The following USP5 variants were observed in gnomAD, a reference collection of about 807,000 sequenced individuals.
The protein encoded by USP5 is ubiquitin specific peptidase 5.
Under a neutral mutation model 102.5 loss-of-function variants are expected in USP5, and 24 were observed. The ratio of observed to expected loss-of-function variants is 0.23; its 90% CI spans 0.17 to 0.33. The LOEUF is 0.33. Among genes scored for constraint, USP5 ranks in the 10% least tolerant of loss-of-function variants. USP5 has a pLI of 1.00. For missense variants in USP5, 753 were observed against 1,122.1 expected (o/e 0.67, Z 4.70); for synonymous variants, 460 against 434.8 (o/e 1.06, Z -0.72).
chr12:6,856,641 T>C lies in USP5; in HGVS notation c.585-66T>C, dbSNP rs66621175. The C allele has an allele frequency of 0.34, 525,362 of 1,567,278 alleles. 97,893 individuals carry two copies. Among genetic ancestry groups the C allele is most frequent in the African/African-American group, 0.78 (57,912 of 74,324 alleles). On this transcript the variant is annotated intron_variant, in intron 5 of 19. Transcript: ENST00000229268. The surrounding 1 kb of genome is among the most constrained non-coding windows in gnomAD (Gnocchi z 5.6). ...GATTGGCGGGGGGCCTGCAGAGCCC[T>C]CTCTCTCTGCCACTCCCTCAAATCC...
chr12:6,855,554 G>C lies in USP5; in HGVS notation c.237+28G>C, dbSNP rs1944084430. The C allele has an allele frequency of 6.2e-7, 1 of 1,612,952 alleles. No individual in the cohort carries two copies. The highest frequency in any genetic ancestry group is 1.7e-5 in the Admixed American group (1 of 59,902). On this transcript the variant is annotated intron_variant, in intron 2 of 19. Transcript: ENST00000229268. The surrounding 1 kb of genome is among the most constrained non-coding windows in gnomAD (Gnocchi z 4.6). Reference sequence around the variant, plus strand: ...AGGAGCAGGGCTGGGGCAAGGCCTGGGTACATTGTCTGTTCCATTCTGACC... The same window carrying C: ...AGGAGCAGGGCTGGGGCAAGGCCTGCGTACATTGTCTGTTCCATTCTGACC...
chr12:6,858,584 A>G lies in USP5; in HGVS notation c.1025A>G (p.Gln342Arg). 6.2e-7 allele frequency: 1 copy of G among 1,611,238 alleles called. No homozygotes were observed. The change falls in exon 8 of 20, where the codon CAG (glutamine) becomes CGG (arginine). Residue 342 changes from glutamine (Q) to arginine (R), a missense_variant. By Grantham distance (43) the Gln-to-Arg change is conservative. Coordinates refer to ENST00000229268, the MANE Select transcript of USP5 (RefSeq NM_001098536.2). This position sits in a 1 kb window ranked among gnomAD's most constrained non-coding sequence, Gnocchi z 4.2. ...AGCTGCTACCTCAACTCTGTGGTCC[A>G]GGTGCTCTTCAGCATCCCTGACTTC... ...GNSCYLNSVV[Q>R]VLFSIPDFQR...
chr12:6,856,301 C>A lies in USP5; in HGVS notation c.439-4C>A, dbSNP rs781916966. 1 of 1,611,664 alleles carries A rather than the reference C, an allele frequency of 6.2e-7. No homozygotes were observed. The highest frequency in any genetic ancestry group is 2.2e-5 in the East Asian group (1 of 44,842). ...TATTGCCTCTGACCCTCTGCTTCCCCCAGGTGACCAGTGCAGTGGAGGCCC... is the reference window on the plus strand; with the variant it reads ...TATTGCCTCTGACCCTCTGCTTCCCACAGGTGACCAGTGCAGTGGAGGCCC... On this transcript the variant is annotated splice_polypyrimidine_tract_variant and splice_region_variant and intron_variant, in intron 4 of 19. Transcript: ENST00000229268. This position sits in a 1 kb window ranked among gnomAD's most constrained non-coding sequence, Gnocchi z 5.6.
intron 7 of USP5, 41 bp downstream of exon 7, chr12:6,857,764 C>T (rs1555128675): frequency 5.6e-6 from 9 of 1,598,276 alleles, no homozygotes; most frequent in Non-Finnish European, 7.7e-6. Flanking sequence ...ACTTCCTGCC[C>T]CTGTGAGGGC....
chr12:6,852,547 C>A (rs941366933), intron 1 of USP5, among the ~76,000 whole-genome samples: 1 of 152,292 alleles, frequency 6.6e-6, no homozygotes, highest in Non-Finnish European at 1.5e-5. Flanking sequence ...TCACTGCCTT[C>A]GTTGCCGTTC....
rs200608693 is a variant in USP5, at chr12:6,863,876, A to T, written c.2001A>T (p.Gly667=). ...ESVIIQLVEM[G]FPMDACRKAV... ...TCATCATCCAGCTGGTGGAGATGGG[A>T]TTCCCTATGGACGCCTGCCGCAAAG... Residue 667 remains glycine, a synonymous_variant, in exon 16 of 20, where the codon GGA becomes GGT. Transcript: ENST00000229268. This position sits in a 1 kb window ranked among gnomAD's most constrained non-coding sequence, Gnocchi z 4.7. 1 of 1,611,366 alleles carries T rather than the reference A, an allele frequency of 6.2e-7. No homozygotes were observed. The highest frequency in any genetic ancestry group is 8.5e-7 in the Non-Finnish European group (1 of 1,178,392).
Position 6,860,033 on chromosome 12 carries a change from T to G in USP5, c.1131-118T>G. On this transcript the variant is annotated intron_variant, in intron 9 of 19. Coordinates refer to ENST00000229268, the MANE Select transcript of USP5 (RefSeq NM_001098536.2). This position sits in a 1 kb window ranked among gnomAD's most constrained non-coding sequence, Gnocchi z 5.5. The stretch of plus-strand genomic sequence containing the variant: ...TCTTGAGCTGGGTTCCTGTAGAATC[T>G]AAGGTTTTTCACGTTGTTGAGAGTT... The G allele has an allele frequency of 9.0e-7, 1 of 1,116,942 alleles. No homozygotes were observed. Among genetic ancestry groups the G allele is most frequent in the Non-Finnish European group, 1.3e-6 (1 of 763,076 alleles). The allele number at this position is 1,116,942 out of a possible 1,614,324, so 69.2% of individuals were successfully genotyped here.
Position 6,855,279 on chromosome 12 carries a change from A to T in USP5, c.112-122A>T. The T allele has an allele frequency of 7.5e-7, 1 of 1,330,432 alleles. No homozygotes were observed. 82.4% of individuals were successfully genotyped at this position (1,330,432 alleles called of 1,614,324 possible). A position where few individuals can be genotyped will look rare whatever the true frequency, so the allele number is the denominator to read the frequency against. On this transcript the variant is annotated intron_variant, in intron 1 of 19. Transcript: ENST00000229268. This position sits in a 1 kb window ranked among gnomAD's most constrained non-coding sequence, Gnocchi z 4.6. ...CTAAATAACTTGCCAAGGGCCACAC[A>T]GTGTTAGAGAACAGAACATTTCTTC...
At position 6,864,248 on chromosome 12, in the gene USP5, G is replaced by A. The variant is rs1284509923; in HGVS notation, c.2244+53G>A. 1.1e-5 allele frequency: 17 copies of A among 1,527,876 alleles called. No homozygotes were observed. The highest frequency in any genetic ancestry group is 1.3e-5 in the Non-Finnish European group (15 of 1,138,540). 94.6% of individuals were successfully genotyped at this position (1,527,876 alleles called of 1,614,324 possible). A position where few individuals can be genotyped will look rare whatever the true frequency, so the allele number is the denominator to read the frequency against. On this transcript the variant is annotated intron_variant, in intron 17 of 19. Transcript: ENST00000229268. The surrounding 1 kb of genome is among the most constrained non-coding windows in gnomAD (Gnocchi z 4.8). ...GGGCCAGTGGGGAAGAAGGGGGTGG[G>A]AATGAGGGGCCATCCTTCTTGAGCA...
chr12:6,864,233 G>A lies in USP5; in HGVS notation c.2244+38G>A. The A allele has an allele frequency of 6.5e-7, 1 of 1,547,286 alleles. No individual in the cohort carries two copies. Among genetic ancestry groups the A allele is most frequent in the Non-Finnish European group, 8.7e-7 (1 of 1,146,050 alleles). ...CCAGCTAAGGACATGGGGCCAGTGG[G>A]GAAGAAGGGGGTGGGAATGAGGGGC... On this transcript the variant is annotated intron_variant, in intron 17 of 19. Transcript: ENST00000229268. This position sits in a 1 kb window ranked among gnomAD's most constrained non-coding sequence, Gnocchi z 4.8.
chr12:6,853,622 C>A (rs1344956581), intron 1 of USP5, among the ~76,000 whole-genome samples: 2 of 152,224 alleles, frequency 1.3e-5, no homozygotes, highest in Admixed American at 1.3e-4. Flanking sequence ...CACTTTTATT[C>A]ACTCCTGTCT....
At chr12:6,859,226 T>A (rs1244599958) in intron 8 of USP5, among the ~76,000 whole-genome samples, 3 of 152,228 alleles carry the variant, frequency 2.0e-5, no homozygotes, top group African/African-American at 7.2e-5. Flanking sequence ...ACTGCACTTA[T>A]CCTAATCCCA....
rs1944178045 is a variant in USP5, at chr12:6,858,304, G to A, written c.865-120G>A. On this transcript the variant is annotated intron_variant, in intron 7 of 19. Transcript: ENST00000229268. The surrounding 1 kb of genome is among the most constrained non-coding windows in gnomAD (Gnocchi z 4.2). Reference sequence around the variant, plus strand: ...TACTCAACATACCTCCCATGTTTGAGCCTGTAATTCCACAAATTCTAGGCC... The same window carrying A: ...TACTCAACATACCTCCCATGTTTGAACCTGTAATTCCACAAATTCTAGGCC... 1.9e-6 allele frequency: 2 copies of A among 1,034,282 alleles called. No homozygotes were observed. The allele number at this position is 1,034,282 out of a possible 1,614,324, so 64.1% of individuals were successfully genotyped here.
Position 6,860,552 on chromosome 12 carries a change from C to G in USP5, c.1344+61C>G. On this transcript the variant is annotated intron_variant, in intron 11 of 19. Coordinates refer to ENST00000229268, the MANE Select transcript of USP5 (RefSeq NM_001098536.2). The surrounding 1 kb of genome is among the most constrained non-coding windows in gnomAD (Gnocchi z 5.5). The stretch of plus-strand genomic sequence containing the variant: ...TGCAATTTACTCGCTCTCCTTCCTG[C>G]CCATTTCTCCCTCTATCAGCCCCAA... 1 of 1,603,270 alleles carries G rather than the reference C, an allele frequency of 6.2e-7. No homozygotes were observed. The highest frequency in any genetic ancestry group is 8.5e-7 in the Non-Finnish European group (1 of 1,177,814).
chr12:6,853,808 C>T (rs1306579013), intron 1 of USP5, among the ~76,000 whole-genome samples: 1 of 152,164 alleles, frequency 6.6e-6, no homozygotes, highest in Non-Finnish European at 1.5e-5. Context: ...CTTAGTTGAC[C>T]TCCCCGGTGA....
In USP5 at chr12:6,864,669, A is replaced by G; in HGVS notation, c.2245-53A>G. 6.4e-7 allele frequency: 1 copy of G among 1,563,394 alleles called. No individual in the cohort carries two copies. The highest frequency in any genetic ancestry group is 8.6e-7 in the Non-Finnish European group (1 of 1,156,992). ...GCGCCACTGCACTCCAGCCTGGGCGACAGAGCAAGACTCCGTCTCAAGAAA... is the reference window on the plus strand; with the variant it reads ...GCGCCACTGCACTCCAGCCTGGGCGGCAGAGCAAGACTCCGTCTCAAGAAA... On this transcript the variant is annotated intron_variant, in intron 17 of 19. Coordinates refer to ENST00000229268, the MANE Select transcript of USP5 (RefSeq NM_001098536.2). The surrounding 1 kb of genome is among the most constrained non-coding windows in gnomAD (Gnocchi z 4.8).
chr12:6,863,093 A>C lies in USP5; in HGVS notation c.1763-93A>C. 7.8e-7 allele frequency: 1 copy of C among 1,286,928 alleles called. No homozygotes were observed. Among genetic ancestry groups the C allele is most frequent in the Non-Finnish European group, 1.1e-6 (1 of 947,618 alleles). The allele number at this position is 1,286,928 out of a possible 1,614,324, so 79.7% of individuals were successfully genotyped here. On this transcript the variant is annotated intron_variant, in intron 14 of 19. Coordinates refer to ENST00000229268, the MANE Select transcript of USP5 (RefSeq NM_001098536.2). The surrounding 1 kb of genome is among the most constrained non-coding windows in gnomAD (Gnocchi z 4.7). ...TGCTTTTAGCAGCTCCTCTTTACAG[A>C]GCAGTTCTGACATAGGGGGCAGGGG...
At position 6,863,344 on chromosome 12, in the gene USP5, TC is replaced by T; in HGVS notation, c.1923del (p.Phe642SerfsTer48). 1 of 1,614,122 alleles carries T rather than the reference TC, an allele frequency of 6.2e-7. No homozygotes were observed. Among genetic ancestry groups the T allele is most frequent in the South Asian group, 1.1e-5 (1 of 91,076 alleles). On this transcript the variant is annotated frameshift_variant, in exon 15 of 20. Transcript: ENST00000229268. LOFTEE classifies it high-confidence loss of function. This position sits in a 1 kb window ranked among gnomAD's most constrained non-coding sequence, Gnocchi z 4.7. ...TTTCTATGGCAACGAAGACGAAGAC[TC>T]CTTCTGCTCCCCTCACTTCTCCTCT... ...LGFYGNEDED[S>X]FCSPHFSSPT... is the part of the protein sequence containing the mutation.
chr12:6,856,083 T>TTTTGCCAGA lies in USP5; in HGVS notation c.374_382dup (p.Leu125_Asp127dup). 1 of 1,614,116 alleles carries TTTTGCCAGA rather than the reference T, an allele frequency of 6.2e-7. No homozygotes were observed. The highest frequency in any genetic ancestry group is 2.2e-5 in the East Asian group (1 of 44,888). ...TTAGACGAGGATGTGAAGATTGTCA[T>TTTTGCCAGA]TTTGCCAGATTACCTGGAGATTGCC... On this transcript the variant is annotated inframe_insertion, in exon 4 of 20. Transcript: ENST00000229268. The surrounding 1 kb of genome is among the most constrained non-coding windows in gnomAD (Gnocchi z 5.6).
Sources: gnomAD v4.1 joint callset for allele counts (sites outside exome capture counted in the v4.1 genomes callset) on GRCh38, gnomAD v4.1.1 for gene constraint, Gnocchi (gnomAD v3.1) non-coding constraint, MANE v1.5 for transcripts, NCBI Gene and HGNC (gene_info 2026-07-23, HGNC 2026-07-21) for gene names.